The following INPP5D variants were observed in gnomAD, a reference collection of about 807,000 sequenced individuals.
INPP5D encodes the protein inositol polyphosphate-5-phosphatase D, also known as phosphatidylinositol 3,4,5-trisphosphate 5-phosphatase 1.
Under a neutral mutation model 122.9 loss-of-function variants are expected in INPP5D, and 33 were observed. That is an observed-to-expected ratio of 0.27 (90% CI 0.20 to 0.36). The LOEUF (loss-of-function observed/expected upper bound fraction) is 0.36. Ranked by LOEUF, INPP5D falls within the 10% of genes least tolerant of loss-of-function variation. INPP5D has a pLI of 1.00. For missense variants in INPP5D, 1,053 were observed against 1,412.7 expected, an observed-to-expected ratio of 0.75 and a Z score of 4.08; for synonymous variants, 584 against 576.2, an observed-to-expected ratio of 1.01 and a Z score of -0.19.
intron 2 of INPP5D, among the ~76,000 whole-genome samples, chr2:233,108,827 G>T (rs932444706): frequency 6.6e-6 from 1 of 152,166 alleles, no homozygotes; most frequent in Non-Finnish European, 1.5e-5. Context: ...CCCCGGTACC[G>T]CAAGAACACC....
chr2:233,170,669 C>A lies in INPP5D; in HGVS notation c.1900+65C>A. The A allele has an allele frequency of 6.3e-7, 1 of 1,577,682 alleles. No homozygotes were observed. The highest frequency in any genetic ancestry group is 2.3e-5 in the East Asian group (1 of 43,220). On this transcript the variant is annotated intron_variant, in intron 16 of 26. Coordinates refer to ENST00000445964, the MANE Select transcript of INPP5D (RefSeq NM_001017915.3). This position sits in a 1 kb window ranked among gnomAD's most constrained non-coding sequence, Gnocchi z 4.5. ...CTGTAATCCCAGCACTTTAGGAGGC[C>A]GAGGCGGGCGGATCACGAGATCAGG...
Position 233,084,520 on chromosome 2 carries a change from C to T in INPP5D, c.198+5122C>T, listed in dbSNP as rs117372379. On this transcript the variant is annotated intron_variant, in intron 2 of 26. Transcript: ENST00000445964. ...TGTGACTCAAGTCCCTGGTCCCTGA[C>T]GGTGGCTGTCACGTATCTCCGGGCG... Among the ~76,000 whole-genome samples, 51 of 152,332 alleles carry T rather than the reference C, an allele frequency of 3.3e-4. 1 individual carries two copies. In the East Asian group the frequency reaches 9.2e-3, roughly 28 times the overall value.
rs1380767284 is a variant in INPP5D, at chr2:233,197,660, A to C, written c.2694-435A>C. The stretch of plus-strand genomic sequence containing the variant: ...TCTTATCTGCTTATCTTCTTATCTC[A>C]GATGAAAGACCACCTCCTCAGATGG... On this transcript the variant is annotated intron_variant, in intron 24 of 26. Transcript: ENST00000445964. The surrounding 1 kb of genome is among the most constrained non-coding windows in gnomAD (Gnocchi z 4.4). Among the ~76,000 whole-genome samples, 1 of 152,134 alleles carries C rather than the reference A, an allele frequency of 6.6e-6. No homozygotes were observed. Among genetic ancestry groups the C allele is most frequent in the Non-Finnish European group, 1.5e-5 (1 of 68,020 alleles).
chr2:233,115,887 C>T (rs1476139286), intron 2 of INPP5D, among the ~76,000 whole-genome samples: 1 of 152,080 alleles, frequency 6.6e-6, no homozygotes, highest in Non-Finnish European at 1.5e-5. Flanking sequence ...CACTTATGAG[C>T]TTGTGGGGAA....
chr2:233,141,324 T>C (rs1249076444), intron 6 of INPP5D: 1 of 152,148 alleles, frequency 6.6e-6, no homozygotes, highest in East Asian at 1.9e-4. Flanking sequence ...CCCAGTACTT[T>C]GGGAGGCCGA....
intron 2 of INPP5D, among the ~76,000 whole-genome samples, chr2:233,081,964 G>A (rs1210711124): frequency 6.6e-6 from 1 of 152,160 alleles, no homozygotes; most frequent in Non-Finnish European, 1.5e-5. Flanking sequence ...ACCCCCCTCT[G>A]CCTCTCAGAG....
intron 9 of INPP5D, among the ~76,000 whole-genome samples, 197 bp downstream of exon 9, chr2:233,147,791 A>C (rs1408141037): frequency 6.6e-6 from 1 of 152,082 alleles, no homozygotes; most frequent in Non-Finnish European, 1.5e-5. Context: ...ATCACCTCTC[A>C]GTGCCGGGCA....
chr2:233,193,174 C>T (rs1695097935), intron 22 of INPP5D, among the ~76,000 whole-genome samples: 3 of 152,246 alleles, frequency 2.0e-5, no homozygotes, highest in Non-Finnish European at 4.4e-5. Flanking sequence ...CAGGCGTGAG[C>T]CACCACACCC....
intron 3 of INPP5D, 92 bp from the exon 4 acceptor site, chr2:233,125,652 TG>T: frequency 9.1e-7 from 1 of 1,094,158 alleles, no homozygotes; most frequent in Non-Finnish European, 1.3e-6. Context: ...ATCAATAACG[TG>T]GGTGTCGTGG....
intron 2 of INPP5D, among the ~76,000 whole-genome samples, chr2:233,117,273 C>G (rs1692829162): frequency 6.6e-6 from 1 of 152,158 alleles, no homozygotes; most frequent in Non-Finnish European, 1.5e-5. Flanking sequence ...TGCTAACCTC[C>G]CGATTCGAAC....
intron 10 of INPP5D, among the ~76,000 whole-genome samples, chr2:233,159,693 C>CAAAAAA (rs548439384): frequency 2.2e-5 from 2 of 91,986 alleles, no homozygotes; most frequent in African/African-American, 9.2e-5. Context: ...GATCCTGTCT[C>CAAAAAA]AAAAAAAAAA....
chr2:233,078,052 G>C lies in INPP5D; in HGVS notation c.135-1283G>C, dbSNP rs1049651528. On this transcript the variant is annotated intron_variant, in intron 1 of 26. Coordinates refer to ENST00000445964, the MANE Select transcript of INPP5D (RefSeq NM_001017915.3). This position sits in a 1 kb window ranked among gnomAD's most constrained non-coding sequence, Gnocchi z 4.6. Reference sequence around the variant, plus strand: ...CCTTCCGGGCTCAGGAGAATCTTAAGTAGCAAAATGGGGCAAGATTATGGT... The same window carrying C: ...CCTTCCGGGCTCAGGAGAATCTTAACTAGCAAAATGGGGCAAGATTATGGT... Among the ~76,000 whole-genome samples, 2 of 152,128 alleles carry C rather than the reference G, an allele frequency of 1.3e-5. No individual in the cohort carries two copies. Among genetic ancestry groups the C allele is most frequent in the Non-Finnish European group, 2.9e-5 (2 of 68,024 alleles).
intron 13 of INPP5D, among the ~76,000 whole-genome samples, chr2:233,168,141 A>G (rs1331982571): frequency 6.6e-6 from 1 of 152,228 alleles, no homozygotes; most frequent in Non-Finnish European, 1.5e-5. Flanking sequence ...ATTTTCTAGT[A>G]GCCACATTAA....
chr2:233,159,017 G>A (rs1574773695), intron 10 of INPP5D, among the ~76,000 whole-genome samples: 1 of 152,134 alleles, frequency 6.6e-6, no homozygotes. Context: ...CCTGGGCTCA[G>A]GCAATCTTCC....
intron 18 of INPP5D, 50 bp from the exon 19 acceptor site, chr2:233,182,360 C>A (rs374420630): frequency 6.2e-7 from 1 of 1,609,144 alleles, no homozygotes; most frequent in South Asian, 1.1e-5. Context: ...CTTGGCCTGA[C>A]CGGAAGGGCT....
intron 4 of INPP5D, 101 bp from the exon 5 acceptor site, chr2:233,130,407 C>A: frequency 1.5e-6 from 2 of 1,299,134 alleles, no homozygotes; most frequent in Non-Finnish European, 1.1e-6. Flanking sequence ...CCCTTGGAGG[C>A]TCTGAGGATG....
Position 233,177,389 on chromosome 2 carries a change from G to GGCACCAA in INPP5D, c.2071+46_2071+52dup. On this transcript the variant is annotated intron_variant, in intron 18 of 26. Coordinates refer to ENST00000445964, the MANE Select transcript of INPP5D (RefSeq NM_001017915.3). This position sits in a 1 kb window ranked among gnomAD's most constrained non-coding sequence, Gnocchi z 4.2. Reference sequence around the variant, plus strand: ...GGAAAGCAGAACAGGATCAGAGAATGGCACCAAGCTGGGAGGTGTGACTGC... The same window carrying GGCACCAA: ...GGAAAGCAGAACAGGATCAGAGAATGGCACCAAGCACCAAGCTGGGAGGTGTGACTGC... The GGCACCAA allele has an allele frequency of 6.2e-7, 1 of 1,613,004 alleles. No homozygotes were observed. The highest frequency in any genetic ancestry group is 8.5e-7 in the Non-Finnish European group (1 of 1,179,300).
At chr2:233,165,902 A>G (rs1694322550) in intron 13 of INPP5D, among the ~76,000 whole-genome samples, 1 of 152,048 alleles carries the variant, frequency 6.6e-6, no homozygotes, top group African/African-American at 2.4e-5. Context: ...GTATACACAC[A>G]GGGCTCCAGG....
chr2:233,174,545 C>A (rs1476230487), intron 17 of INPP5D, among the ~76,000 whole-genome samples: 1 of 152,176 alleles, frequency 6.6e-6, no homozygotes. Flanking sequence ...GTATTCCCAA[C>A]ACTTTGGGAG....
Sources: gnomAD v4.1 joint callset for allele counts (sites outside exome capture counted in the v4.1 genomes callset) on GRCh38, gnomAD v4.1.1 for gene constraint, Gnocchi (gnomAD v3.1) non-coding constraint, MANE v1.5 for transcripts, NCBI Gene and HGNC (gene_info 2026-07-23, HGNC 2026-07-21) for gene names.